The following SLC5A12 variants were observed in gnomAD, a reference collection of about 807,000 sequenced individuals.
The protein encoded by SLC5A12 is sodium-coupled monocarboxylate transporter 2.
SLC5A12 carries 46 observed loss-of-function variants against 72.7 expected under a neutral mutation model. The ratio of observed to expected loss-of-function variants is 0.63; its 90% CI spans 0.50 to 0.81. The LOEUF is 0.81. Among genes scored for constraint, SLC5A12 ranks in the 30% least tolerant of loss-of-function variants. The pLI is 0.00. For missense variants in SLC5A12, 683 were observed against 740.7 expected (o/e 0.92, Z 0.90); for synonymous variants, 275 against 264.4 (o/e 1.04, Z -0.39).
chr11:26,683,756 C>A lies in SLC5A12; in HGVS notation c.1308+1G>T. 1 of 1,581,572 alleles carries A rather than the reference C, an allele frequency of 6.3e-7. No homozygotes were observed. Among genetic ancestry groups the A allele is most frequent in the Non-Finnish European group, 8.6e-7 (1 of 1,162,894 alleles). On this transcript the variant is annotated splice_donor_variant, in intron 11 of 14. Coordinates refer to ENST00000396005, the MANE Select transcript of SLC5A12 (RefSeq NM_178498.4). LOFTEE classifies it high-confidence loss of function. ...TGTGAAGAGGGCTGTGGGATCCTTACCTTCCAATTCACAAAAGGGAACACG... is the reference window on the plus strand; with the variant it reads ...TGTGAAGAGGGCTGTGGGATCCTTAACTTCCAATTCACAAAAGGGAACACG...
intron 4 of SLC5A12, among the ~76,000 whole-genome samples, chr11:26,705,854 GC>G (rs1473125435): frequency 2.7e-5 from 4 of 148,670 alleles, no homozygotes; most frequent in Non-Finnish European, 6.0e-5. Flanking sequence ...TAATCAAAAG[GC>G]AGATTATAGC....
At chr11:26,700,351 A>G (rs908420974) in intron 6 of SLC5A12, among the ~76,000 whole-genome samples, 1 of 152,106 alleles carries the variant, frequency 6.6e-6, no homozygotes, top group African/African-American at 2.4e-5. Context: ...TCTGTTTGTA[A>G]AATAGGCTTT....
At chr11:26,686,429 G>A (rs772173560) in intron 10 of SLC5A12, 48 bp downstream of exon 10, 18 of 1,549,930 alleles carry the variant, frequency 1.2e-5, no homozygotes, top group Non-Finnish European at 1.4e-5. Flanking sequence ...AAAGAGAGTG[G>A]GGGGAAGTTC....
intron 4 of SLC5A12, among the ~76,000 whole-genome samples, chr11:26,707,097 A>G (rs4300358): frequency 0.85 from 128,674 of 151,716 alleles, 56,291 homozygotes; most frequent in Non-Finnish European, 0.96. Context: ...AGATAGTTTT[A>G]TCAAAAACAC....
chr11:26,681,276 G>C, intron 11 of SLC5A12, 55 bp from the exon 12 acceptor site: 1 of 1,419,634 alleles, frequency 7.0e-7, no homozygotes. Flanking sequence ...TCTATGGAAA[G>C]AATAATGAGA....
At chr11:26,672,575 T>A (rs1854168283) in intron 14 of SLC5A12, among the ~76,000 whole-genome samples, 1 of 152,052 alleles carries the variant, frequency 6.6e-6, no homozygotes, top group Non-Finnish European at 1.5e-5. Context: ...CCTTTAAGAA[T>A]CCTTCAGTGG....
At chr11:26,708,582 A>G (rs1031190001) in intron 4 of SLC5A12, among the ~76,000 whole-genome samples, 5 of 152,076 alleles carry the variant, frequency 3.3e-5, no homozygotes, top group Non-Finnish European at 4.4e-5. Context: ...TAGTGAAGGA[A>G]AGATAATTCA....
chr11:26,722,664 G>A (rs1331928160), upstream of SLC5A12, among the ~76,000 whole-genome samples: 3 of 151,958 alleles, frequency 2.0e-5, 1 homozygote, highest in African/African-American at 7.3e-5. Context: ...TACTATCACT[G>A]TACCCACAGG....
chr11:26,699,561 T>A (rs1203360238), intron 6 of SLC5A12, among the ~76,000 whole-genome samples: 1 of 152,212 alleles, frequency 6.6e-6, no homozygotes, highest in Non-Finnish European at 1.5e-5. Context: ...ATTTTGCCAA[T>A]GCAATGATTT....
At chr11:26,706,159 TA>T (rs1480218221) in intron 4 of SLC5A12, among the ~76,000 whole-genome samples, 18 of 152,056 alleles carry the variant, frequency 1.2e-4, no homozygotes, top group Admixed American at 3.3e-4. Context: ...CTTAGCAGAG[TA>T]AAGAGACGGC....
intron 1 of SLC5A12, among the ~76,000 whole-genome samples, chr11:26,713,845 C>T (rs538926370): frequency 5.9e-5 from 9 of 152,246 alleles, no homozygotes; most frequent in East Asian, 3.9e-4. Context: ...GGCTCCTACA[C>T]GAGGCTTTAA....
At position 26,721,384 on chromosome 11, in the gene SLC5A12, T is replaced by G. The variant is rs747365915; in HGVS notation, c.331A>C (p.Thr111Pro). ...PVFYRSGITSTYEYLQLRFNK... is the reference protein window; with the variant it reads ...PVFYRSGITSPYEYLQLRFNK... Reference sequence around the variant, plus strand: ...TGGAGAAATCATCTTACCTCATAAGTGCTGGTGATACCAGATCTGTAGAAC... The same window carrying G: ...TGGAGAAATCATCTTACCTCATAAGGGCTGGTGATACCAGATCTGTAGAAC... Residue 111 changes from threonine (T) to proline (P), a missense_variant, in exon 1 of 15, where the codon ACT becomes CCT. By Grantham distance (38) the Thr-to-Pro change is conservative. Coordinates refer to ENST00000396005, the MANE Select transcript of SLC5A12 (RefSeq NM_178498.4). 1 of 1,605,038 alleles carries G rather than the reference T, an allele frequency of 6.2e-7. No homozygotes were observed. Among genetic ancestry groups the G allele is most frequent in the Non-Finnish European group, 8.5e-7 (1 of 1,174,700 alleles).
At chr11:26,675,866 T>C (rs1277000378) in intron 13 of SLC5A12, among the ~76,000 whole-genome samples, 2 of 152,018 alleles carry the variant, frequency 1.3e-5, no homozygotes, top group Non-Finnish European at 2.9e-5. Context: ...GGAAAGGGCA[T>C]AAAATTTCAG....
At chr11:26,681,485 C>T (rs1469276221) in intron 11 of SLC5A12, among the ~76,000 whole-genome samples, 1 of 152,170 alleles carries the variant, frequency 6.6e-6, no homozygotes, top group Non-Finnish European at 1.5e-5. Context: ...AATTATTTTT[C>T]TCCTTAGGGT....
intron 1 of SLC5A12, among the ~76,000 whole-genome samples, chr11:26,714,826 A>G (rs1376429559): frequency 2.0e-5 from 3 of 152,088 alleles, no homozygotes; most frequent in Non-Finnish European, 4.4e-5. Flanking sequence ...CACATTCTCA[A>G]TTTATCCTGC....
intron 12 of SLC5A12, 30 bp downstream of exon 12, chr11:26,681,025 G>A: frequency 6.5e-7 from 1 of 1,548,270 alleles, no homozygotes; most frequent in Non-Finnish European, 8.7e-7. Flanking sequence ...CACTCTCTGG[G>A]ACTTAGCACC....
chr11:26,715,883 A>C (rs1471652579), intron 1 of SLC5A12, among the ~76,000 whole-genome samples: 1 of 152,200 alleles, frequency 6.6e-6, no homozygotes, highest in African/African-American at 2.4e-5. Flanking sequence ...AGATGGTCCC[A>C]AGTGAGACCA....
At chr11:26,674,019 T>A (rs919343375) in intron 13 of SLC5A12, among the ~76,000 whole-genome samples, 42 of 152,246 alleles carry the variant, frequency 2.8e-4, no homozygotes, top group African/African-American at 9.6e-4. Flanking sequence ...CCAGGTACTT[T>A]AAGCATTCCT....
Position 26,668,907 on chromosome 11 carries a change from T to G in SLC5A12, c.*2195A>C, listed in dbSNP as rs1480374231. On this transcript the variant is annotated 3_prime_UTR_variant, in exon 15 of 15. Transcript: ENST00000396005. Reference sequence around the variant, plus strand: ...AACGTTTTTAAAACTTTCTCGGAAATGTACTGACCTAGTGAAATGTCTTTA... The same window carrying G: ...AACGTTTTTAAAACTTTCTCGGAAAGGTACTGACCTAGTGAAATGTCTTTA... The G allele has an allele frequency of 2.0e-5, 3 of 152,112 alleles. No individual in the cohort carries two copies. Among genetic ancestry groups the G allele is most frequent in the East Asian group, 3.9e-4 (2 of 5,172 alleles). The allele number at this position is 152,112 out of a possible 1,614,324, so 9.4% of individuals were successfully genotyped here. A position where few individuals can be genotyped will look rare whatever the true frequency, so the allele number is the denominator to read the frequency against.
Sources: allele counts gnomAD v4.1 joint callset (sites outside exome capture counted in the v4.1 genomes callset), GRCh38; gene constraint gnomAD v4.1.1; transcripts MANE v1.5; gene names NCBI Gene and HGNC (gene_info 2026-07-23, HGNC 2026-07-21).